MSH4: variants seen among roughly 807,000 people sequenced by gnomAD.
MSH4 encodes mutS homolog 4, also known as mutS protein homolog 4.
A neutral mutation model predicts 113.7 loss-of-function variants in MSH4; 106 were observed. The ratio of observed to expected loss-of-function variants is 0.93; its 90% CI spans 0.80 to 1.10. The LOEUF is 1.10. Among genes scored for constraint, MSH4 ranks in the 50% least tolerant of loss-of-function variants. The probability of loss-of-function intolerance (pLI) is 0.00; values close to 1 mark genes in which losing one functional copy is unlikely to be tolerated. For missense variants in MSH4, 1,061 were observed against 1,093.7 expected (o/e 0.97, Z 0.42); for synonymous variants, 368 against 380.2 (o/e 0.97, Z 0.37).
chr1:75,817,316 A>G (rs142714046), intron 6 of MSH4, among the ~76,000 whole-genome samples: 3 of 152,216 alleles, frequency 2.0e-5, no homozygotes, highest in African/African-American at 7.2e-5. Context: ...GGGAACTACA[A>G]ATCAAAACCG....
chr1:75,799,948 G>A (rs1649901189), intron 1 of MSH4, among the ~76,000 whole-genome samples: 1 of 152,124 alleles, frequency 6.6e-6, no homozygotes, highest in South Asian at 2.1e-4. Flanking sequence ...GGAAACTAGA[G>A]CTAAGAAGAG....
chr1:75,912,122 A>T, intron 19 of MSH4, among the ~76,000 whole-genome samples: 1 of 152,088 alleles, frequency 6.6e-6, no homozygotes, highest in East Asian at 1.9e-4. Flanking sequence ...TTTAAAATGT[A>T]ATTTACCCCT....
At chr1:75,841,812 T>C (rs1650964952) in intron 7 of MSH4, among the ~76,000 whole-genome samples, 9 of 152,136 alleles carry the variant, frequency 5.9e-5, no homozygotes, top group Admixed American at 5.9e-4. Context: ...ACTAATAGAA[T>C]CACATGTAAA....
At chr1:75,912,276 A>T (rs1347533345) in intron 19 of MSH4, among the ~76,000 whole-genome samples, 1 of 152,076 alleles carries the variant, frequency 6.6e-6, no homozygotes, top group East Asian at 1.9e-4. Context: ...ACTCTTTGGC[A>T]TCATTTAAAA....
intron 15 of MSH4, among the ~76,000 whole-genome samples, chr1:75,885,534 T>A: frequency 8.5e-6 from 1 of 117,512 alleles, no homozygotes; most frequent in East Asian, 2.3e-4. Flanking sequence ...TATTTCACAT[T>A]TATATAATGA....
intron 6 of MSH4, among the ~76,000 whole-genome samples, chr1:75,818,205 C>A (rs1650331101): frequency 6.6e-6 from 1 of 152,210 alleles, no homozygotes; most frequent in African/African-American, 2.4e-5. Context: ...TGTAACTCTT[C>A]TGCTGAAAAC....
At chr1:75,871,814 C>G (rs1651717355) in intron 9 of MSH4, among the ~76,000 whole-genome samples, 1 of 152,130 alleles carries the variant, frequency 6.6e-6, no homozygotes, top group Admixed American at 6.6e-5. Context: ...TTATTTATAT[C>G]AGTGAGAAAT....
At position 75,890,686 on chromosome 1, in the gene MSH4, T is replaced by C; in HGVS notation, c.2227-10T>C. ...TTACAATGAATAAATATTAAAATTATATATTTCAGATAGCATATATTCTAC... is the reference window on the plus strand; with the variant it reads ...TTACAATGAATAAATATTAAAATTACATATTTCAGATAGCATATATTCTAC... On this transcript the variant is annotated splice_polypyrimidine_tract_variant and intron_variant, in intron 16 of 19. Transcript: ENST00000263187. 7.2e-7 allele frequency: 1 copy of C among 1,387,658 alleles called. No homozygotes were observed. The highest frequency in any genetic ancestry group is 9.9e-7 in the Non-Finnish European group (1 of 1,014,070). The allele number at this position is 1,387,658 out of a possible 1,614,324, so 86.0% of individuals were successfully genotyped here.
At position 75,822,533 on chromosome 1, in the gene MSH4, G is replaced by C; in HGVS notation, c.1114G>C (p.Val372Leu). The change falls in exon 7 of 20, where the codon GTT becomes CTT. Residue 372 changes from valine to leucine, a missense_variant. By Grantham distance (32) the Val-to-Leu change is conservative (BLOSUM62 1). Coordinates refer to ENST00000263187, the MANE Select transcript of MSH4 (RefSeq NM_002440.4). Reference protein sequence around the residue: ...IETINMRLDCVQELLQDEELF... With the variant: ...IETINMRLDCLQELLQDEELF... ...AACCATTAACATGAGATTAGATTGT[G>C]TTCAAGAACTACTTCAAGATGAGGA... is the stretch of plus-strand genomic sequence containing the variant. 1 of 1,564,822 alleles carries C rather than the reference G, an allele frequency of 6.4e-7. No homozygotes were observed. Among genetic ancestry groups the C allele is most frequent in the Non-Finnish European group, 8.6e-7 (1 of 1,161,526 alleles).
intron 1 of MSH4, among the ~76,000 whole-genome samples, chr1:75,801,575 A>G (rs1649935968): frequency 6.6e-6 from 1 of 151,558 alleles, no homozygotes; most frequent in Non-Finnish European, 1.5e-5. Flanking sequence ...TCTCAAAAAA[A>G]AAAAAAAAAA....
At chr1:75,899,008 C>T (rs930598666) in intron 18 of MSH4, among the ~76,000 whole-genome samples, 7 of 152,100 alleles carry the variant, frequency 4.6e-5, no homozygotes, top group South Asian at 2.1e-4. Context: ...CAATTACTAA[C>T]GTCTCAATAA....
intron 15 of MSH4, among the ~76,000 whole-genome samples, chr1:75,885,051 G>GTA (rs1217705221): frequency 1.2e-4 from 14 of 113,346 alleles, no homozygotes; most frequent in African/African-American, 4.7e-4. Flanking sequence ...GTGTGTGTGT[G>GTA]TGTGTGTGTA....
At chr1:75,858,192 A>G (rs182780665) in intron 8 of MSH4, among the ~76,000 whole-genome samples, 152 of 152,340 alleles carry the variant, frequency 1.0e-3, no homozygotes, top group African/African-American at 3.5e-3. Context: ...TTCTAAATAT[A>G]CAATCATGTC....
chr1:75,883,309 TG>T (rs1489518228), intron 14 of MSH4, among the ~76,000 whole-genome samples: 1 of 151,472 alleles, frequency 6.6e-6, no homozygotes, highest in African/African-American at 2.4e-5. Context: ...CCATCACGCC[TG>T]GTCTGCTTGG....
chr1:75,829,733 T>C (rs963485670), intron 7 of MSH4, among the ~76,000 whole-genome samples: 11 of 152,048 alleles, frequency 7.2e-5, no homozygotes. Context: ...TCCTGACTGA[T>C]AGAAGGAAAA....
At chr1:75,904,521 C>CTTTCT (rs1652579084) in intron 19 of MSH4, among the ~76,000 whole-genome samples, 2 of 148,036 alleles carry the variant, frequency 1.4e-5, no homozygotes, top group Admixed American at 6.7e-5. Context: ...CTTTTTCTTT[C>CTTTCT]TTTTTTTTTT....
chr1:75,899,659 G>T lies in MSH4; in HGVS notation c.2572G>T (p.Val858Phe). 2.0e-6 allele frequency: 3 copies of T among 1,514,812 alleles called. No individual in the cohort carries two copies. Among genetic ancestry groups the T allele is most frequent in the East Asian group, 2.6e-5 (1 of 38,568 alleles). The allele number at this position is 1,514,812 out of a possible 1,614,324, so 93.8% of individuals were successfully genotyped here. A position where few individuals can be genotyped will look rare whatever the true frequency, so the allele number is the denominator to read the frequency against. Reference sequence around the variant, plus strand: ...GGTGTCATCACTTCCACCATCAATTGTCTTGGATGCCAAGGAAATCACAAC... The same window carrying T: ...GGTGTCATCACTTCCACCATCAATTTTCTTGGATGCCAAGGAAATCACAAC... ...AEVSSLPPSI[V>F]LDAKEITTQI... Residue 858 changes from valine to phenylalanine, a missense_variant, in exon 19 of 20, where the codon GTC becomes TTC. Transcript: ENST00000263187.
At chr1:75,852,232 C>G (rs755689130) in intron 8 of MSH4, among the ~76,000 whole-genome samples, 1 of 152,164 alleles carries the variant, frequency 6.6e-6, no homozygotes, top group Non-Finnish European at 1.5e-5. Flanking sequence ...TTTGTATTGA[C>G]AAATAATATT....
chr1:75,870,572 T>G (rs1651691483), intron 9 of MSH4, among the ~76,000 whole-genome samples: 1 of 152,152 alleles, frequency 6.6e-6, no homozygotes, highest in Non-Finnish European at 1.5e-5. Context: ...TGGTAGTGAA[T>G]AAGTCTCACG....
Sources: allele counts gnomAD v4.1 joint callset (sites outside exome capture counted in the v4.1 genomes callset), GRCh38; gene constraint gnomAD v4.1.1; transcripts MANE v1.5; gene names NCBI Gene and HGNC (gene_info 2026-07-23, HGNC 2026-07-21).